Variants in PXN observed in about 807,000 individuals in gnomAD.
PXN encodes paxillin, also known as testicular tissue protein Li 134.
Under a neutral mutation model 103.6 loss-of-function variants are expected in PXN, and 61 were observed. That is an observed-to-expected ratio of 0.59 (90% CI 0.48 to 0.73). The LOEUF (loss-of-function observed/expected upper bound fraction) is 0.73, where lower values mean the gene tolerates loss of function less well. Ranked by LOEUF, PXN falls within the 30% of genes least tolerant of loss-of-function variation. The pLI, the probability that PXN is intolerant of heterozygous loss-of-function variation, is 0.00. For synonymous variants in PXN, 562 were observed against 607.8 expected, an observed-to-expected ratio of 0.92 and a Z score of 1.11; for missense variants, 1,274 against 1,460.3, an observed-to-expected ratio of 0.87 and a Z score of 2.08.
chr12:120,237,885 C>G (rs188280561), intron 1 of PXN, among the ~76,000 whole-genome samples: 212 of 152,276 alleles, frequency 1.4e-3, no homozygotes, highest in African/African-American at 5.0e-3. Flanking sequence ...GTCTCAGTCC[C>G]CCCACCCCAC....
intron 1 of PXN, among the ~76,000 whole-genome samples, chr12:120,264,489 C>G (rs1212662836): frequency 6.6e-6 from 1 of 152,204 alleles, no homozygotes; most frequent in Non-Finnish European, 1.5e-5. Context: ...CTCCTGCGTT[C>G]ACGCCACCCA....
Position 120,211,998 on chromosome 12 carries a change from T to G in PXN, c.*316A>C, listed in dbSNP as rs769542203. On this transcript the variant is annotated 3_prime_UTR_variant, in exon 15 of 15. Transcript: ENST00000637617. ...AAATATGAGGAAGAGATGGCTCCAG[T>G]GTGGGGTGCTGGCCAGGCCAGTTCG... 1 of 611,800 alleles carries G rather than the reference T, an allele frequency of 1.6e-6. No individual in the cohort carries two copies. The highest frequency in any genetic ancestry group is 3.1e-6 in the Non-Finnish European group (1 of 320,194). The allele number at this position is 611,800 out of a possible 1,614,324, so 37.9% of individuals were successfully genotyped here.
In PXN at chr12:120,212,250, C is replaced by G. The variant is rs1880399141; in HGVS notation, c.*64G>C. ...ACCCCTTCACCCCCGGGTGAAGTCT[C>G]TAGGTCACAGTCGCAGTTGGGGATG... On this transcript the variant is annotated 3_prime_UTR_variant, in exon 15 of 15. Coordinates refer to ENST00000637617, the MANE Select transcript of PXN (RefSeq NM_001385981.1). This position sits in a 1 kb window ranked among gnomAD's most constrained non-coding sequence, Gnocchi z 7.2. 4.4e-6 allele frequency: 7 copies of G among 1,575,006 alleles called. No homozygotes were observed. Among genetic ancestry groups the G allele is most frequent in the Non-Finnish European group, 6.0e-6 (7 of 1,162,968 alleles).
chr12:120,257,038 T>C (rs1156240977), intron 1 of PXN, among the ~76,000 whole-genome samples: 1 of 152,108 alleles, frequency 6.6e-6, no homozygotes, highest in East Asian at 1.9e-4. Flanking sequence ...GGTTTTTATG[T>C]TTTAGAAGAG....
At chr12:120,253,479 GA>G (rs1407107227) in intron 1 of PXN, among the ~76,000 whole-genome samples, 2 of 151,232 alleles carry the variant, frequency 1.3e-5, no homozygotes, top group Admixed American at 6.6e-5. Flanking sequence ...TCTCAAAAAA[GA>G]AAAAAAAGAA....
chr12:120,215,973 G>A lies in PXN; in HGVS notation c.2301+300C>T. On this transcript the variant is annotated intron_variant, in intron 9 of 14. Transcript: ENST00000637617. This position sits in a 1 kb window ranked among gnomAD's most constrained non-coding sequence, Gnocchi z 4.9. ...GCTGGAAGGGAGGAGACAGGTTTCT[G>A]GTCTCCCTTCTGGAGTGGCTTCTTT... is the stretch of plus-strand genomic sequence containing the variant. The A allele has an allele frequency of 7.2e-7, 1 of 1,380,824 alleles. No individual in the cohort carries two copies. The highest frequency in any genetic ancestry group is 2.8e-5 in the East Asian group (1 of 36,308). 85.5% of individuals were successfully genotyped at this position (1,380,824 alleles called of 1,614,324 possible).
intron 1 of PXN, among the ~76,000 whole-genome samples, chr12:120,238,934 C>T (rs1412865459): frequency 2.0e-5 from 3 of 152,198 alleles, no homozygotes; most frequent in South Asian, 2.1e-4. Context: ...CAAGAAATCC[C>T]GTGCTTCTGC....
In PXN at chr12:120,216,444, G is replaced by A; in HGVS notation, c.2130C>T (p.Ser710=). The change falls in exon 9 of 15, where the codon TCC becomes TCT. Residue 710 remains serine (S), a synonymous_variant. Coordinates refer to ENST00000637617, the MANE Select transcript of PXN (RefSeq NM_001385981.1). The surrounding 1 kb of genome is among the most constrained non-coding windows in gnomAD (Gnocchi z 5.1). ...SSSPLPSLLA[S]SPLGPSAYTC... is the part of the protein sequence containing the mutation. The stretch of plus-strand genomic sequence containing the variant: ...TATAAGCTGAGGGCCCCAGGGGGGA[G>A]GAGGCGAGCAGGCTGGGCAGGGGAG... 7.3e-7 allele frequency: 1 copy of A among 1,378,440 alleles called. No homozygotes were observed. Among genetic ancestry groups the A allele is most frequent in the East Asian group, 3.0e-5 (1 of 33,474 alleles). 85.4% of individuals were successfully genotyped at this position (1,378,440 alleles called of 1,614,324 possible).
intron 1 of PXN, chr12:120,226,933 C>G (rs900287652): frequency 1.3e-5 from 13 of 991,080 alleles, no homozygotes; most frequent in Non-Finnish European, 1.6e-5. Context: ...ACCCAAGTCA[C>G]TCTGCAGGAG....
At chr12:120,255,685 CT>C (rs1030496814) in intron 1 of PXN, among the ~76,000 whole-genome samples, 22 of 151,462 alleles carry the variant, frequency 1.5e-4, no homozygotes, top group African/African-American at 5.3e-4. Context: ...CAGAGAAAGA[CT>C]CTGTCTCAAA....
chr12:120,236,264 G>A (rs907185974), intron 1 of PXN, among the ~76,000 whole-genome samples: 4 of 152,178 alleles, frequency 2.6e-5, no homozygotes, highest in Non-Finnish European at 5.9e-5. Flanking sequence ...GCCATGAGGT[G>A]TGTCACCAGT....
Position 120,216,856 on chromosome 12 carries a change from C to A in PXN, c.1977G>T (p.Gly659=), listed in dbSNP as rs1296572454. The part of the protein sequence containing the change: ...TVQPRGKRAG[G]QLVEKVVFPP... ...TCCTCGCCACCTTCTCTACGAGCTG[C>A]CCCCCGGCCCGCTTCCCACGTGGCT... is the stretch of plus-strand genomic sequence containing the variant. The change falls in exon 8 of 15, where the codon GGG becomes GGT. Residue 659 remains glycine (G), a synonymous_variant. Transcript: ENST00000637617. The surrounding 1 kb of genome is among the most constrained non-coding windows in gnomAD (Gnocchi z 5.1). The A allele has an allele frequency of 6.6e-7, 1 of 1,508,368 alleles. No individual in the cohort carries two copies. The highest frequency in any genetic ancestry group is 8.8e-7 in the Non-Finnish European group (1 of 1,138,624). 93.4% of individuals were successfully genotyped at this position (1,508,368 alleles called of 1,614,324 possible).
chr12:120,246,514 CAAAAAAAAAAAAAAAAAAAGAA>C (rs1891155953), intron 1 of PXN, among the ~76,000 whole-genome samples: 1 of 58,336 alleles, frequency 1.7e-5, no homozygotes, highest in African/African-American at 6.2e-5. Flanking sequence ...GACTCTGTCT[CAAAAAAAAAAAAAAAAAAAGAA>C]AAAAGAAAAG....
At chr12:120,254,711 C>T (rs1892733676) in intron 1 of PXN, among the ~76,000 whole-genome samples, 1 of 152,022 alleles carries the variant, frequency 6.6e-6, no homozygotes, top group African/African-American at 2.4e-5. Flanking sequence ...CCACCACGCC[C>T]AGCTAATTTT....
At chr12:120,244,649 GAAA>G (rs753590396) in intron 1 of PXN, among the ~76,000 whole-genome samples, 2 of 127,548 alleles carry the variant, frequency 1.6e-5, no homozygotes, top group Non-Finnish European at 3.4e-5. Context: ...CTCCGTCTCG[GAAA>G]AAAAAAAAAA....
In PXN at chr12:120,229,530, C is replaced by A. The variant is rs1369614779; in HGVS notation, c.14-5153G>T. Among the ~76,000 whole-genome samples the A allele has an allele frequency of 6.6e-6, 1 of 152,172 alleles. No individual in the cohort carries two copies. Among genetic ancestry groups the A allele is most frequent in the African/African-American group, 2.4e-5 (1 of 41,440 alleles). ...GGCTCTGCTCAATGGCTGAACTGCT[C>A]GGATAGGCTGCTTAACTGCTTTTGT... is the stretch of plus-strand genomic sequence containing the variant. On this transcript the variant is annotated intron_variant, in intron 1 of 14. Coordinates refer to ENST00000637617, the MANE Select transcript of PXN (RefSeq NM_001385981.1). The surrounding 1 kb of genome is among the most constrained non-coding windows in gnomAD (Gnocchi z 4.0).
At chr12:120,218,774 G>A (rs1340609749) in intron 7 of PXN, among the ~76,000 whole-genome samples, 1 of 152,202 alleles carries the variant, frequency 6.6e-6, no homozygotes, top group Non-Finnish European at 1.5e-5. Flanking sequence ...CACTTTCCAG[G>A]AATTATCTCA....
chr12:120,227,768 A>G (rs1887188061), intron 1 of PXN, among the ~76,000 whole-genome samples: 1 of 152,200 alleles, frequency 6.6e-6, no homozygotes, highest in African/African-American at 2.4e-5. Context: ...AACCAGAAAT[A>G]CAGGAGGCAA....
At chr12:120,256,547 A>G (rs1459124211) in intron 1 of PXN, among the ~76,000 whole-genome samples, 1 of 151,972 alleles carries the variant, frequency 6.6e-6, no homozygotes, top group Non-Finnish European at 1.5e-5. Context: ...CATGAGGTAT[A>G]AAAGGGGGTA....
Sources: gnomAD v4.1 joint callset for allele counts (sites outside exome capture counted in the v4.1 genomes callset) on GRCh38, gnomAD v4.1.1 for gene constraint, Gnocchi (gnomAD v3.1) non-coding constraint, MANE v1.5 for transcripts, NCBI Gene and HGNC (gene_info 2026-07-23, HGNC 2026-07-21) for gene names.